Variants in CDH4 observed in about 807,000 individuals in gnomAD.
CDH4 encodes the protein cadherin-4.
CDH4 carries 33 observed loss-of-function variants against 86.0 expected under a neutral mutation model. The observed-to-expected ratio is 0.38, with a 90% CI of 0.29 to 0.51. The LOEUF is 0.51. Ranked by LOEUF, CDH4 falls within the 20% of genes least tolerant of loss-of-function variation. CDH4 has a pLI of 0.86. For synonymous variants in CDH4, 555 were observed against 549.4 expected, an observed-to-expected ratio of 1.01 and a Z score of -0.14; for missense variants, 1,114 against 1,307.4, an observed-to-expected ratio of 0.85 and a Z score of 2.28.
chr20:61,873,828 G>T lies in CDH4; in HGVS notation c.978G>T (p.Pro326=). The T allele has an allele frequency of 6.2e-7, 1 of 1,614,122 alleles. No homozygotes were observed. The highest frequency in any genetic ancestry group is 8.5e-7 in the Non-Finnish European group (1 of 1,180,024). ...YRIVTQTPQS[P]SQNMFTINSE... Reference sequence around the variant, plus strand: ...TCGTGACCCAGACCCCACAGAGCCCGTCCCAGAATATGTTCACCATCAACA... The same window carrying T: ...TCGTGACCCAGACCCCACAGAGCCCTTCCCAGAATATGTTCACCATCAACA... Residue 326 remains proline (P), a synonymous_variant, in exon 7 of 16, where the codon CCG becomes CCT. Coordinates refer to ENST00000614565, the MANE Select transcript of CDH4 (RefSeq NM_001794.5).
intron 2 of CDH4, among the ~76,000 whole-genome samples, chr20:61,680,885 G>A (rs1401370813): frequency 6.6e-6 from 1 of 152,146 alleles, no homozygotes; most frequent in Non-Finnish European, 1.5e-5. Context: ...AGCCAGGGGT[G>A]GCCGCCTGTC....
chr20:61,827,670 A>G (rs1341953265), intron 4 of CDH4, among the ~76,000 whole-genome samples: 1 of 152,262 alleles, frequency 6.6e-6, no homozygotes, highest in Admixed American at 6.5e-5. Flanking sequence ...TATGGCCTCT[A>G]AAGACCGTTT....
At chr20:61,737,042 C>T (rs1189168600) in intron 2 of CDH4, among the ~76,000 whole-genome samples, 1 of 152,158 alleles carries the variant, frequency 6.6e-6, no homozygotes, top group Non-Finnish European at 1.5e-5. Context: ...GTTGGATTCT[C>T]TGGTGTGCAG....
intron 2 of CDH4, chr20:61,719,737 A>G (rs2150130): frequency 0.73 from 110,851 of 152,286 alleles, 41,862 homozygotes; most frequent in East Asian, 1. Context: ...TGTTAATATC[A>G]TACGACAAGA....
chr20:61,724,348 C>T (rs981333623), intron 2 of CDH4, among the ~76,000 whole-genome samples: 3 of 152,180 alleles, frequency 2.0e-5, no homozygotes, highest in Admixed American at 6.5e-5. Flanking sequence ...TTGTAGGTAC[C>T]GCAGTTCAGA....
At chr20:61,884,342 C>G (rs1025061443) in intron 7 of CDH4, among the ~76,000 whole-genome samples, 1 of 152,240 alleles carries the variant, frequency 6.6e-6, no homozygotes, top group Non-Finnish European at 1.5e-5. Flanking sequence ...TTCCACGCAG[C>G]AACCCGGACA....
At chr20:61,864,495 T>TG (rs11410869) in intron 6 of CDH4, among the ~76,000 whole-genome samples, 41,584 of 152,032 alleles carry the variant, frequency 0.27, 6,178 homozygotes, top group African/African-American at 0.39. Flanking sequence ...AACACATTGC[T>TG]GGGAGAGGGC....
intron 2 of CDH4, among the ~76,000 whole-genome samples, chr20:61,729,113 GACT>G (rs1371085215): frequency 3.5e-5 from 4 of 114,220 alleles, no homozygotes; most frequent in Non-Finnish European, 8.5e-5. Context: ...TGCGAGCGCT[GACT>G]GCAGCGTGTT....
chr20:61,755,466 A>T (rs2088552885), intron 3 of CDH4, among the ~76,000 whole-genome samples: 1 of 144,170 alleles, frequency 6.9e-6, no homozygotes, highest in Non-Finnish European at 1.5e-5. Flanking sequence ...CACACCACAC[A>T]CACACCATAC....
chr20:61,648,242 A>T (rs1456118022), intron 2 of CDH4, among the ~76,000 whole-genome samples: 1 of 152,236 alleles, frequency 6.6e-6, no homozygotes, highest in African/African-American at 2.4e-5. Context: ...ATGTGGGAAT[A>T]GGAGGCAGTG....
chr20:61,352,915 G>A (rs984907550), intron 2 of CDH4, among the ~76,000 whole-genome samples: 2 of 152,116 alleles, frequency 1.3e-5, no homozygotes, highest in Admixed American at 6.5e-5. Flanking sequence ...TCCTTGCGGC[G>A]CACAGGAGGT....
At chr20:61,542,340 T>C (rs2086045818) in intron 2 of CDH4, among the ~76,000 whole-genome samples, 1 of 152,190 alleles carries the variant, frequency 6.6e-6, no homozygotes, top group Non-Finnish European at 1.5e-5. Context: ...TTTTTCAACT[T>C]TCCTGGGGTT....
chr20:61,566,177 T>C (rs2086296549), intron 2 of CDH4, among the ~76,000 whole-genome samples: 1 of 152,186 alleles, frequency 6.6e-6, no homozygotes, highest in South Asian at 2.1e-4. Context: ...GTCCCAGGGC[T>C]TCCTGCCCTT....
At chr20:61,819,317 C>T (rs1206065213) in intron 4 of CDH4, among the ~76,000 whole-genome samples, 1 of 152,232 alleles carries the variant, frequency 6.6e-6, no homozygotes, top group Admixed American at 6.5e-5. Flanking sequence ...GAGAGAGAAC[C>T]AGAGCACATG....
intron 2 of CDH4, among the ~76,000 whole-genome samples, chr20:61,270,362 C>A (rs1434097028): frequency 2.6e-5 from 4 of 152,104 alleles, no homozygotes; most frequent in African/African-American, 9.7e-5. Flanking sequence ...TTCCATCTTC[C>A]CTCAGATACA....
chr20:61,628,947 G>A (rs913356687), intron 2 of CDH4, among the ~76,000 whole-genome samples: 3 of 152,232 alleles, frequency 2.0e-5, no homozygotes, highest in South Asian at 2.1e-4. Flanking sequence ...CTGGCCGTGC[G>A]CTGCATACAG....
chr20:61,331,651 CCAGCCA>C (rs2084578383), intron 2 of CDH4, among the ~76,000 whole-genome samples: 2 of 31,554 alleles, frequency 6.3e-5, no homozygotes, highest in East Asian at 9.0e-4. Context: ...ACCTCCCGCC[CCAGCCA>C]CCTGCCCCAG....
Position 61,709,845 on chromosome 20 carries a change from C to T in CDH4, c.170-33718C>T, listed in dbSNP as rs1201713385. ...AAGCTAATTATTCTCATTTGTGTAG[C>T]ACCTTACACCTCTGTAGATGTTTTT... On this transcript the variant is annotated intron_variant, in intron 2 of 15. Coordinates refer to ENST00000614565, the MANE Select transcript of CDH4 (RefSeq NM_001794.5). This position sits in a 1 kb window ranked among gnomAD's most constrained non-coding sequence, Gnocchi z 4.8. Among the ~76,000 whole-genome samples, 1 of 152,160 alleles carries T rather than the reference C, an allele frequency of 6.6e-6. No homozygotes were observed. Among genetic ancestry groups the T allele is most frequent in the South Asian group, 2.1e-4 (1 of 4,822 alleles).
chr20:61,321,420 G>A (rs1321358648), intron 2 of CDH4, among the ~76,000 whole-genome samples: 1 of 151,254 alleles, frequency 6.6e-6, no homozygotes, highest in Non-Finnish European at 1.5e-5. Context: ...AATTTTTGAT[G>A]TCTTAAAAAA....
Sources: gnomAD v4.1 joint callset for allele counts (sites outside exome capture counted in the v4.1 genomes callset) on GRCh38, gnomAD v4.1.1 for gene constraint, Gnocchi (gnomAD v3.1) non-coding constraint, MANE v1.5 for transcripts, NCBI Gene and HGNC (gene_info 2026-07-23, HGNC 2026-07-21) for gene names.